Variants in C1orf21 observed in about 807,000 individuals in gnomAD.
The protein encoded by C1orf21 is uncharacterized protein C1orf21.
C1orf21 carries 3 observed loss-of-function variants against 18.7 expected under a neutral mutation model. The observed-to-expected ratio is 0.16, with a 90% CI of 0.07 to 0.42. The LOEUF is 0.42. Ranked by LOEUF, C1orf21 falls within the 10% of genes least tolerant of loss-of-function variation. The pLI is 0.99. For missense variants in C1orf21, 104 were observed against 143.6 expected (o/e 0.72, Z 1.41); for synonymous variants, 41 against 46.4 (o/e 0.88, Z 0.47).
At chr1:184,419,872 G>A (rs1032421939) in intron 1 of C1orf21, among the ~76,000 whole-genome samples, 1 of 152,144 alleles carries the variant, frequency 6.6e-6, no homozygotes, top group African/African-American at 2.4e-5. Context: ...AGGGCACAGC[G>A]CCAGATTGTG....
chr1:184,411,227 T>G (rs751694185), intron 1 of C1orf21, among the ~76,000 whole-genome samples: 36 of 152,126 alleles, frequency 2.4e-4, no homozygotes, highest in Non-Finnish European at 4.3e-4. Flanking sequence ...AGGGCTCTTC[T>G]GCAAGCCCAT....
At chr1:184,407,533 G>A (rs1192825716) in intron 1 of C1orf21, among the ~76,000 whole-genome samples, 2 of 152,140 alleles carry the variant, frequency 1.3e-5, no homozygotes, top group South Asian at 4.1e-4. Context: ...TGCCGCATCC[G>A]CTTAGTGCAG....
intron 5 of C1orf21, among the ~76,000 whole-genome samples, chr1:184,603,698 G>A (rs1210207770): frequency 1.3e-5 from 2 of 152,208 alleles, no homozygotes; most frequent in Non-Finnish European, 2.9e-5. Flanking sequence ...GGGAGGCTGA[G>A]GCATGAGAAT....
intron 1 of C1orf21, among the ~76,000 whole-genome samples, chr1:184,458,717 T>A (rs1364397872): frequency 6.6e-6 from 1 of 152,244 alleles, no homozygotes; most frequent in Non-Finnish European, 1.5e-5. Context: ...TAATTTTAAT[T>A]CATTCCTAAA....
intron 1 of C1orf21, among the ~76,000 whole-genome samples, chr1:184,432,536 G>A (rs1280634565): frequency 6.6e-6 from 1 of 152,146 alleles, no homozygotes; most frequent in African/African-American, 2.4e-5. Context: ...GGGGCTAGGG[G>A]AGGGATAGCA....
At chr1:184,516,519 A>G (rs1469753207) in intron 3 of C1orf21, among the ~76,000 whole-genome samples, 1 of 152,182 alleles carries the variant, frequency 6.6e-6, no homozygotes, top group African/African-American at 2.4e-5. Flanking sequence ...TTTACATAAG[A>G]CAGAGGTTTA....
intron 3 of C1orf21, among the ~76,000 whole-genome samples, chr1:184,535,141 AG>A (rs1658532055): frequency 6.6e-6 from 1 of 152,240 alleles, no homozygotes; most frequent in South Asian, 2.1e-4. Flanking sequence ...ACAGTGAGAC[AG>A]GGAACTACGA....
At chr1:184,561,359 G>A (rs1658961761) in intron 3 of C1orf21, among the ~76,000 whole-genome samples, 1 of 152,122 alleles carries the variant, frequency 6.6e-6, no homozygotes, top group Non-Finnish European at 1.5e-5. Context: ...CAGGGATATA[G>A]GTATAATCCT....
In C1orf21 at chr1:184,621,361, T is replaced by G. The variant is rs1161494440; in HGVS notation, c.*1805T>G. 1 of 152,646 alleles carries G rather than the reference T, an allele frequency of 6.6e-6. No individual in the cohort carries two copies. Among genetic ancestry groups the G allele is most frequent in the African/African-American group, 2.4e-5 (1 of 41,474 alleles). The allele number at this position is 152,646 out of a possible 1,614,324, so 9.5% of individuals were successfully genotyped here. On this transcript the variant is annotated 3_prime_UTR_variant, in exon 6 of 6. Coordinates refer to ENST00000235307, the MANE Select transcript of C1orf21 (RefSeq NM_030806.4). ...CATAAATAGAGATGCAGCCAAAATT[T>G]TAGGCCTTTTATCCTGCTTCTAGCA...
chr1:184,514,044 T>G (rs981180938), intron 3 of C1orf21, among the ~76,000 whole-genome samples: 2 of 152,214 alleles, frequency 1.3e-5, no homozygotes, highest in Non-Finnish European at 2.9e-5. Context: ...TGCCTATAAT[T>G]CCAGCACTTT....
At chr1:184,544,436 T>C (rs563957738) in intron 3 of C1orf21, among the ~76,000 whole-genome samples, 6 of 152,298 alleles carry the variant, frequency 3.9e-5, no homozygotes, top group African/African-American at 1.4e-4. Flanking sequence ...TCAGATGCCA[T>C]TTTTCACCCA....
chr1:184,482,681 G>A (rs1211648677), intron 2 of C1orf21, among the ~76,000 whole-genome samples: 1 of 152,212 alleles, frequency 6.6e-6, no homozygotes, highest in Admixed American at 6.5e-5. Context: ...GACAAAGTCT[G>A]TGAAGGGTGG....
At chr1:184,543,845 C>G (rs540817437) in intron 3 of C1orf21, among the ~76,000 whole-genome samples, 1 of 152,206 alleles carries the variant, frequency 6.6e-6, no homozygotes, top group South Asian at 2.1e-4. Flanking sequence ...TCACTGAGTT[C>G]CAGTCTTCTT....
intron 1 of C1orf21, among the ~76,000 whole-genome samples, chr1:184,458,737 T>C (rs1657257781): frequency 6.6e-6 from 1 of 152,182 alleles, no homozygotes; most frequent in Non-Finnish European, 1.5e-5. Context: ...ATATGTGCCA[T>C]AAAAAATCTT....
At chr1:184,537,977 C>T (rs35414247) in intron 3 of C1orf21, among the ~76,000 whole-genome samples, 8,876 of 152,164 alleles carry the variant, frequency 0.058, 322 homozygotes, top group Non-Finnish European at 0.069. Flanking sequence ...GGGCACATAC[C>T]CAGAAGTGGA....
In C1orf21 at chr1:184,627,852, A is replaced by T. The variant is rs1660043039; in HGVS notation, c.*8296A>T. The T allele has an allele frequency of 1.3e-5, 2 of 152,186 alleles. No homozygotes were observed. Among genetic ancestry groups the T allele is most frequent in the South Asian group, 4.1e-4 (2 of 4,824 alleles). The allele number at this position is 152,186 out of a possible 1,614,324, so 9.4% of individuals were successfully genotyped here. A position where few individuals can be genotyped will look rare whatever the true frequency, so the allele number is the denominator to read the frequency against. On this transcript the variant is annotated 3_prime_UTR_variant, in exon 6 of 6. Transcript: ENST00000235307. ...AGCCAAGTTTGCCTTAGGCTTGTTC[A>T]TGGAATATAAGCCAAGTTTACCTCT... is the stretch of plus-strand genomic sequence containing the variant.
intron 1 of C1orf21, among the ~76,000 whole-genome samples, chr1:184,433,602 TA>T (rs1656809317): frequency 6.6e-6 from 1 of 152,194 alleles, no homozygotes; most frequent in African/African-American, 2.4e-5. Context: ...CATATGTAAT[TA>T]AAAATTTTTT....
chr1:184,597,067 GGATCCTACAGAGAGGA>G (rs1323854583), intron 4 of C1orf21, among the ~76,000 whole-genome samples: 1 of 152,120 alleles, frequency 6.6e-6, no homozygotes, highest in Non-Finnish European at 1.5e-5. Flanking sequence ...TTTCTGCCCA[GGATCCTACAGAGAGGA>G]GACAGTTTAA....
At chr1:184,554,424 G>T (rs1339098604) in intron 3 of C1orf21, among the ~76,000 whole-genome samples, 1 of 152,206 alleles carries the variant, frequency 6.6e-6, no homozygotes, top group Non-Finnish European at 1.5e-5. Context: ...AGAAGGTAAA[G>T]AAACTATTGG....
Sources: allele counts gnomAD v4.1 joint callset (sites outside exome capture counted in the v4.1 genomes callset), GRCh38; gene constraint gnomAD v4.1.1; transcripts MANE v1.5; gene names NCBI Gene and HGNC (gene_info 2026-07-23, HGNC 2026-07-21).